Variants in MYO3B observed in about 807,000 individuals in gnomAD.
The protein encoded by MYO3B is myosin-IIIb.
In MYO3B, 156 loss-of-function variants were observed where a neutral mutation model predicts 174.6. The observed-to-expected ratio is 0.89, with a 90% CI of 0.78 to 1.02. The LOEUF is 1.02. MYO3B is among the 50% of genes least tolerant of loss of function. The pLI is 0.00. For missense variants in MYO3B, 1,632 were observed against 1,639.4 expected (o/e 1.00, Z 0.08); for synonymous variants, 563 against 569.1 (o/e 0.99, Z 0.15).
rs767886557 is a variant in MYO3B, at chr2:170,387,183, C to T, written c.1452C>T (p.Ala484=). 7.2e-5 allele frequency: 116 copies of T among 1,614,000 alleles called. No homozygotes were observed. The highest frequency in any genetic ancestry group is 9.1e-5 in the Non-Finnish European group (107 of 1,180,002). ...LVEAFGNSCT[A]INDNSSRFGK... The stretch of plus-strand genomic sequence containing the variant: ...AAGCCTTTGGGAACTCATGCACTGC[C>T]ATCAATGACAACTCGAGCCGTTTTG... Residue 484 remains alanine, a synonymous_variant, in exon 14 of 35, where the codon GCC becomes GCT. Coordinates refer to ENST00000408978, the MANE Select transcript of MYO3B (RefSeq NM_138995.5).
chr2:170,284,896 C>A (rs2093542587), intron 7 of MYO3B, among the ~76,000 whole-genome samples: 1 of 152,128 alleles, frequency 6.6e-6, no homozygotes, highest in South Asian at 2.1e-4. Flanking sequence ...ATTGCATATG[C>A]ATATATTTAT....
chr2:170,494,485 T>C (rs1195776061), intron 25 of MYO3B, among the ~76,000 whole-genome samples: 2 of 152,066 alleles, frequency 1.3e-5, no homozygotes, highest in African/African-American at 4.8e-5. Flanking sequence ...CTCAGCACTT[T>C]GGGAGGCTGA....
intron 32 of MYO3B, chr2:170,647,049 T>C (rs1217513428): frequency 1.9e-6 from 1 of 525,488 alleles, no homozygotes; most frequent in African/African-American, 2.0e-5. Context: ...AACGCATGCA[T>C]GTCACTAACG....
At chr2:170,457,454 T>A (rs1683972451) in intron 23 of MYO3B, among the ~76,000 whole-genome samples, 1 of 152,148 alleles carries the variant, frequency 6.6e-6, no homozygotes, top group African/African-American at 2.4e-5. Flanking sequence ...TATATCTTTA[T>A]TCTATAAACT....
chr2:170,521,534 C>A (rs892682159), intron 30 of MYO3B, among the ~76,000 whole-genome samples: 1 of 152,166 alleles, frequency 6.6e-6, no homozygotes, highest in African/African-American at 2.4e-5. Context: ...CCCTTCTCTT[C>A]ACCTTAGAAT....
intron 25 of MYO3B, among the ~76,000 whole-genome samples, chr2:170,494,635 C>T (rs6716538): frequency 0.31 from 45,705 of 146,044 alleles, 8,270 homozygotes; most frequent in East Asian, 0.53. Context: ...GGCTGAGGCA[C>T]GAGAATTACT....
At chr2:170,452,280 G>T (rs1683641429) in intron 23 of MYO3B, among the ~76,000 whole-genome samples, 4 of 152,088 alleles carry the variant, frequency 2.6e-5, no homozygotes, top group Admixed American at 2.6e-4. Flanking sequence ...TTCAATTCCT[G>T]GGGTTCCATG....
chr2:170,483,543 C>T (rs1439025155), intron 25 of MYO3B, among the ~76,000 whole-genome samples: 2 of 144,238 alleles, frequency 1.4e-5, no homozygotes, highest in East Asian at 1.9e-4. Context: ...CCCGCTACCA[C>T]GCCCGGCTAA....
chr2:170,646,461 C>G (rs1698386260), intron 32 of MYO3B, among the ~76,000 whole-genome samples: 2 of 151,728 alleles, frequency 1.3e-5, no homozygotes, highest in South Asian at 4.2e-4. Flanking sequence ...GAGGCGCGAT[C>G]TCGGCTCACT....
At chr2:170,430,108 T>C (rs909465027) in intron 22 of MYO3B, among the ~76,000 whole-genome samples, 1 of 151,932 alleles carries the variant, frequency 6.6e-6, no homozygotes, top group African/African-American at 2.4e-5. Flanking sequence ...TATATGTGGG[T>C]TCTTCAGGGC....
intron 32 of MYO3B, among the ~76,000 whole-genome samples, chr2:170,623,374 T>C (rs183112498): frequency 6.4e-4 from 97 of 152,344 alleles, no homozygotes; most frequent in African/African-American, 2.3e-3. Flanking sequence ...ATGTCTTCTT[T>C]TGAAAAGTGT....
At chr2:170,496,552 A>G (rs1451230028) in intron 25 of MYO3B, among the ~76,000 whole-genome samples, 1 of 150,414 alleles carries the variant, frequency 6.6e-6, no homozygotes, top group Non-Finnish European at 1.5e-5. Flanking sequence ...AAGAAAAACT[A>G]AGGTGAGATT....
intron 11 of MYO3B, among the ~76,000 whole-genome samples, chr2:170,383,479 G>A (rs1029019371): frequency 3.7e-4 from 56 of 152,158 alleles, no homozygotes; most frequent in Non-Finnish European, 1.5e-4. Context: ...AAACCTAGTT[G>A]GCAGACAGGG....
chr2:170,271,662 T>G (rs2093425954), intron 7 of MYO3B, among the ~76,000 whole-genome samples: 1 of 152,212 alleles, frequency 6.6e-6, no homozygotes, highest in East Asian at 1.9e-4. Context: ...CTGAAGCTCC[T>G]CAAACTGTGC....
chr2:170,557,866 C>T (rs540878404), intron 32 of MYO3B, among the ~76,000 whole-genome samples: 112 of 152,078 alleles, frequency 7.4e-4, no homozygotes, highest in Non-Finnish European at 1.4e-3. Context: ...TTTTTCCACA[C>T]GGGGAGAAGC....
intron 8 of MYO3B, chr2:170,348,514 A>G (rs2094035677): frequency 6.6e-6 from 1 of 152,214 alleles, no homozygotes. Flanking sequence ...CTGGGATTAC[A>G]GGTGACAGCC....
intron 6 of MYO3B, among the ~76,000 whole-genome samples, chr2:170,220,258 A>AAAAAC (rs66736722): frequency 7.3e-5 from 11 of 150,046 alleles, no homozygotes; most frequent in East Asian, 2.0e-4. Flanking sequence ...ACTCCGTCTC[A>AAAAAC]AAAACAAAAC....
chr2:170,638,403 T>C (rs142824674), intron 32 of MYO3B, among the ~76,000 whole-genome samples: 1 of 152,338 alleles, frequency 6.6e-6, no homozygotes, highest in East Asian at 1.9e-4. Flanking sequence ...GAATGAATCA[T>C]GTTAGAATGA....
intron 6 of MYO3B, among the ~76,000 whole-genome samples, chr2:170,227,470 A>G (rs1001573462): frequency 1.9e-3 from 1 of 524 alleles, no homozygotes; most frequent in Non-Finnish European, 0.014. Flanking sequence ...TTTTTAGTAG[A>G]GACAGGGTTC....
Sources: gnomAD v4.1 joint callset for allele counts (sites outside exome capture counted in the v4.1 genomes callset) on GRCh38, gnomAD v4.1.1 for gene constraint, MANE v1.5 for transcripts, NCBI Gene and HGNC (gene_info 2026-07-23, HGNC 2026-07-21) for gene names.